USP35: variants seen among roughly 807,000 people sequenced by gnomAD.
USP35 encodes ubiquitin carboxyl-terminal hydrolase 35.
USP35 carries 69 observed loss-of-function variants against 83.8 expected under a neutral mutation model. The ratio of observed to expected loss-of-function variants is 0.82; its 90% CI spans 0.68 to 1.01. The LOEUF (loss-of-function observed/expected upper bound fraction) is 1.01. Among genes scored for constraint, USP35 ranks in the 50% least tolerant of loss-of-function variants. The pLI is 0.00. For synonymous variants in USP35, 714 were observed against 589.5 expected (o/e 1.21, Z -3.06); for missense variants, 1,503 against 1,362.5 (o/e 1.10, Z -1.62).
rs759742553 is a variant in USP35 at position 78,210,099 on chromosome 11, C to A, written c.2244C>A (p.Ser748=). The change falls in exon 10 of 11, where the codon TCC becomes TCA. Residue 748 remains serine, a synonymous_variant. Transcript: ENST00000529308. ...CCCACCCGGATGCTGCCATCCCCTC[C>A]GGGGAGCGGACATGTGGCTCTGAGG... ...AGTHPDAAIP[S]GERTCGSEGS... 1 of 1,613,896 alleles carries A rather than the reference C, an allele frequency of 6.2e-7. No homozygotes were observed. The highest frequency in any genetic ancestry group is 8.5e-7 in the Non-Finnish European group (1 of 1,179,972).
In USP35 at chr11:78,214,012, TA is replaced by T; in HGVS notation, c.*203del. Reference sequence around the variant, plus strand: ...CCCTTTCATTGGGGATCAGTCCCATTAAAACTTTACACCCAAGTGTCCTGGT... The same window carrying T: ...CCCTTTCATTGGGGATCAGTCCCATTAAACTTTACACCCAAGTGTCCTGGT... On this transcript the variant is annotated 3_prime_UTR_variant, in exon 11 of 11. Transcript: ENST00000529308. 1.8e-6 allele frequency: 1 copy of T among 568,018 alleles called. No individual in the cohort carries two copies. The highest frequency in any genetic ancestry group is 2.8e-6 in the Non-Finnish European group (1 of 360,988). 35.2% of individuals were successfully genotyped at this position (568,018 alleles called of 1,614,324 possible). A position where few individuals can be genotyped will look rare whatever the true frequency, so the allele number is the denominator to read the frequency against.
chr11:78,212,321 ATAC>A (rs1863815854), intron 10 of USP35, among the ~76,000 whole-genome samples: 1 of 151,614 alleles, frequency 6.6e-6, no homozygotes, highest in African/African-American at 2.4e-5. Flanking sequence ...TACCAGTACT[ATAC>A]TACAAGGCTA....
chr11:78,206,461 C>T (rs928473743), intron 7 of USP35, among the ~76,000 whole-genome samples: 1 of 152,228 alleles, frequency 6.6e-6, no homozygotes, highest in African/African-American at 2.4e-5. Flanking sequence ...ATCAAAGTTT[C>T]AGCTTTGATT....
In USP35 at chr11:78,196,548, C is replaced by G; in HGVS notation, c.303C>G (p.Leu101=). The change falls in exon 2 of 11, where the codon CTC becomes CTG. Residue 101 remains leucine (L), a synonymous_variant. Transcript: ENST00000529308. This position sits in a 1 kb window ranked among gnomAD's most constrained non-coding sequence, Gnocchi z 4.8. ...GGAGPPGPRA[L]ACVQLGLQLL... ...CCGGCCCCCCGGGCCCCCGCGCGCT[C>G]GCCTGCGTGCAGCTGGGTCTGCAGC... 8.1e-7 allele frequency: 1 copy of G among 1,237,086 alleles called. No individual in the cohort carries two copies. 76.6% of individuals were successfully genotyped at this position (1,237,086 alleles called of 1,614,324 possible).
At chr11:78,219,076 G>T, downstream of USP35, 1 of 574,480 alleles carries the variant, frequency 1.7e-6, no homozygotes, top group Non-Finnish European at 3.1e-6. Flanking sequence ...GCCCCGAGTG[G>T]GCAGAGGAGG....
At chr11:78,205,253 C>G (rs928109732) in intron 6 of USP35, among the ~76,000 whole-genome samples, 3 of 152,232 alleles carry the variant, frequency 2.0e-5, no homozygotes, top group South Asian at 2.1e-4. Flanking sequence ...AGGTGACTCT[C>G]TCTTCTTGAA....
chr11:78,236,683 C>T, the USP35 span, among the ~76,000 whole-genome samples: 2 of 152,094 alleles, frequency 1.3e-5, no homozygotes, highest in Non-Finnish European at 2.9e-5. Context: ...CAATGAAGTA[C>T]TGAGTTGTCA....
At chr11:78,213,236 G>A (rs1054013209) in intron 10 of USP35, among the ~76,000 whole-genome samples, 2 of 150,910 alleles carry the variant, frequency 1.3e-5, no homozygotes, top group African/African-American at 5.0e-5. Flanking sequence ...AGGCAGGGTG[G>A]CGGGTAAGGA....
Position 78,196,622 on chromosome 11 carries a change from GC to G in USP35, c.378del (p.Glu127ArgfsTer63). 7.7e-7 allele frequency: 1 copy of G among 1,304,680 alleles called. No homozygotes were observed. The allele number at this position is 1,304,680 out of a possible 1,614,324, so 80.8% of individuals were successfully genotyped here. A position where few individuals can be genotyped will look rare whatever the true frequency, so the allele number is the denominator to read the frequency against. On this transcript the variant is annotated frameshift_variant, in exon 2 of 11. Coordinates refer to ENST00000529308, the MANE Select transcript of USP35 (RefSeq NM_020798.4). LOFTEE classifies it high-confidence loss of function. This position sits in a 1 kb window ranked among gnomAD's most constrained non-coding sequence, Gnocchi z 4.8. Reference sequence around the variant, plus strand: ...GACGAGGTGTTCGCGCTGCTGCGGCGCGAGGTGCTGCGCACCGTGTGCGAGC... The same window carrying G: ...GACGAGGTGTTCGCGCTGCTGCGGCGGAGGTGCTGCGCACCGTGTGCGAGC... Reference protein sequence around the residue: ...AADEVFALLRREVLRTVCERP... With the variant: ...AADEVFALLRXEVLRTVCERP...
At chr11:78,192,394 C>T (rs965252102) in intron 1 of USP35, among the ~76,000 whole-genome samples, 1 of 152,260 alleles carries the variant, frequency 6.6e-6, no homozygotes, top group African/African-American at 2.4e-5. Flanking sequence ...CCATGTTCCT[C>T]TCTCTGAGCC....
the USP35 span, among the ~76,000 whole-genome samples, chr11:78,222,763 AG>A: frequency 1.3e-5 from 2 of 151,966 alleles, no homozygotes; most frequent in African/African-American, 2.4e-5. Flanking sequence ...TTATATTTTT[AG>A]TAGAGACGGG....
At chr11:78,222,021 C>G in the USP35 span, 1 of 899,160 alleles carries the variant, frequency 1.1e-6, no homozygotes, top group African/African-American at 1.6e-5. Flanking sequence ...ATCCAGCTGT[C>G]CCGGCCCACA....
At chr11:78,197,322 G>A (rs1316166329) in intron 2 of USP35, among the ~76,000 whole-genome samples, 1 of 152,036 alleles carries the variant, frequency 6.6e-6, no homozygotes, top group Non-Finnish European at 1.5e-5. Flanking sequence ...CAGATTGGTG[G>A]CACCTGGCAG....
intron 10 of USP35, among the ~76,000 whole-genome samples, chr11:78,212,997 G>A (rs561872674): frequency 6.6e-6 from 1 of 152,200 alleles, no homozygotes; most frequent in Non-Finnish European, 1.5e-5. Context: ...CTGAGCAGCT[G>A]GAACAGCATG....
At chr11:78,204,496 AAG>A (rs749376804) in intron 6 of USP35, among the ~76,000 whole-genome samples, 6 of 152,094 alleles carry the variant, frequency 3.9e-5, no homozygotes, top group Non-Finnish European at 8.8e-5. Context: ...AGTTATTTTG[AAG>A]TTTTTATTTT....
chr11:78,214,346 C>A lies in USP35; in HGVS notation c.*533C>A, dbSNP rs1212769312. 1 of 139,606 alleles carries A rather than the reference C, an allele frequency of 7.2e-6. No individual in the cohort carries two copies. Among genetic ancestry groups the A allele is most frequent in the Non-Finnish European group, 1.5e-5 (1 of 67,044 alleles). The allele number at this position is 139,606 out of a possible 1,614,324, so 8.6% of individuals were successfully genotyped here. ...TTCTGAGAAGAACAGAGACCGAGAC[C>A]TGCCCCCTTACCAAGCGCCACTGCA... On this transcript the variant is annotated 3_prime_UTR_variant, in exon 11 of 11. Coordinates refer to ENST00000529308, the MANE Select transcript of USP35 (RefSeq NM_020798.4).
chr11:78,201,672 A>G (rs563426082), intron 6 of USP35, among the ~76,000 whole-genome samples: 4 of 152,280 alleles, frequency 2.6e-5, no homozygotes, highest in African/African-American at 9.6e-5. Flanking sequence ...TACACTTGAG[A>G]TTATTTTCCT....
At position 78,215,097 on chromosome 11, in the gene USP35, G is replaced by A. The variant is rs747829666; in HGVS notation, c.*1284G>A. On this transcript the variant is annotated 3_prime_UTR_variant, in exon 11 of 11. Transcript: ENST00000529308. ...ACACGCCCAGAACCCATCTCTAGAC[G>A]CCTAAGAAAGCTGGATGGGTAAATG... Among the ~76,000 whole-genome samples, 17 of 152,270 alleles carry A rather than the reference G, an allele frequency of 1.1e-4. No homozygotes were observed. Among genetic ancestry groups the A allele is most frequent in the Admixed American group, 5.2e-4 (8 of 15,298 alleles).
rs1864029875 is a variant in USP35, at chr11:78,214,766, G to T, written c.*953G>T. 1 of 150,892 alleles carries T rather than the reference G, an allele frequency of 6.6e-6. No homozygotes were observed. The highest frequency in any genetic ancestry group is 2.1e-4 in the South Asian group (1 of 4,826). The allele number at this position is 150,892 out of a possible 1,614,324, so 9.3% of individuals were successfully genotyped here. ...GATGGCCACTGGGTTTTGCTCACGG[G>T]GTCTGGGGAGGCCAGGACTCAGCCT... On this transcript the variant is annotated 3_prime_UTR_variant, in exon 11 of 11. Transcript: ENST00000529308.
Sources: gnomAD v4.1 joint callset for allele counts (sites outside exome capture counted in the v4.1 genomes callset) on GRCh38, gnomAD v4.1.1 for gene constraint, Gnocchi (gnomAD v3.1) non-coding constraint, MANE v1.5 for transcripts, NCBI Gene and HGNC (gene_info 2026-07-23, HGNC 2026-07-21) for gene names.